The following TMC2 variants were observed in gnomAD, a reference collection of about 807,000 sequenced individuals.
The protein encoded by TMC2 is transmembrane channel like 2, also known as transmembrane channel-like protein 2.
In TMC2, 102 loss-of-function variants were observed where a neutral mutation model predicts 105.9. The observed-to-expected ratio is 0.96, with a 90% CI of 0.82 to 1.14. The LOEUF (loss-of-function observed/expected upper bound fraction) is 1.14, where lower values mean the gene tolerates loss of function less well. TMC2 is among the 50% of genes most tolerant of loss of function. The pLI is 0.00. For missense variants in TMC2, 1,093 were observed against 1,134.3 expected, an observed-to-expected ratio of 0.96 and a Z score of 0.52; for synonymous variants, 402 against 422.8, an observed-to-expected ratio of 0.95 and a Z score of 0.60.
chr20:2,608,300 T>TTTATTTA (rs369930519), intron 11 of TMC2, among the ~76,000 whole-genome samples: 79 of 134,598 alleles, frequency 5.9e-4, no homozygotes, highest in African/African-American at 2.0e-3. Context: ...CTTATTTTTA[T>TTTATTTA]TTATTATTAT....
At position 2,594,956 on chromosome 20, in the gene TMC2, T is replaced by C. The variant is rs1336226883; in HGVS notation, c.1065T>C (p.Ile355=). 3.1e-6 allele frequency: 5 copies of C among 1,613,798 alleles called. No individual in the cohort carries two copies. In the Admixed American group the frequency reaches 6.7e-5, roughly 22 times the overall value. The change falls in exon 9 of 20, where the codon ATT becomes ATC. Residue 355 remains isoleucine, a synonymous_variant. Transcript: ENST00000358864. ...GCGTGTTCGGCTACAGCCTGATTATTGTCATTCGATCGTAAGTATGACCGT... is the reference window on the plus strand; with the variant it reads ...GCGTGTTCGGCTACAGCCTGATTATCGTCATTCGATCGTAAGTATGACCGT... ...GVSVFGYSLI[I]VIRSMASNTQ...
chr20:2,593,262 T>A (rs1457339753), intron 8 of TMC2, among the ~76,000 whole-genome samples: 1 of 152,302 alleles, frequency 6.6e-6, no homozygotes, highest in East Asian at 1.9e-4. Context: ...ACTGTCCCCA[T>A]GATCCATTCA....
chr20:2,620,109 A>AGAAG lies in TMC2; in HGVS notation c.2180+2798_2180+2799insGAAG, dbSNP rs1475116260. Among the ~76,000 whole-genome samples the AGAAG allele has an allele frequency of 3.3e-5, 5 of 152,250 alleles. No homozygotes were observed. The East Asian group carries it at 5.8e-4, about 18-fold the overall frequency. On this transcript the variant is annotated intron_variant, in intron 16 of 19. Transcript: ENST00000358864. ...AGAAAAAAAGAAAAGAGAAGAGAAG[A>AGAAG]AAAAAACAGAACTTGGGTATTTAGC... is the stretch of plus-strand genomic sequence containing the variant.
chr20:2,613,011 A>G (rs1367488035), intron 13 of TMC2, among the ~76,000 whole-genome samples, 183 bp from the exon 14 acceptor site: 1 of 152,194 alleles, frequency 6.6e-6, no homozygotes, highest in Non-Finnish European at 1.5e-5. Context: ...TGGAGCTGGG[A>G]CCTAAATTAA....
chr20:2,549,510 A>AGGCG (rs1460527590), intron 2 of TMC2, among the ~76,000 whole-genome samples: 1 of 152,202 alleles, frequency 6.6e-6, no homozygotes, highest in Non-Finnish European at 1.5e-5. Flanking sequence ...TGGGAGGCCA[A>AGGCG]GGCGGGCGGA....
At chr20:2,598,445 C>A (rs184967355) in intron 10 of TMC2, among the ~76,000 whole-genome samples, 1 of 150,554 alleles carries the variant, frequency 6.6e-6, no homozygotes, top group Non-Finnish European at 1.5e-5. Flanking sequence ...GACAGAGTGT[C>A]GCTCTGTCAC....
intron 7 of TMC2, among the ~76,000 whole-genome samples, chr20:2,584,569 G>A (rs79440254): frequency 0.071 from 10,712 of 151,638 alleles, 1,242 homozygotes; most frequent in African/African-American, 0.24. Flanking sequence ...TATTACCTAC[G>A]TAACCCTCAC....
intron 16 of TMC2, among the ~76,000 whole-genome samples, chr20:2,619,250 C>T (rs1600135362): frequency 6.6e-6 from 1 of 152,098 alleles, no homozygotes; most frequent in Non-Finnish European, 1.5e-5. Context: ...GATCTCCACA[C>T]CTCAATCCCC....
rs183059137 is a variant in TMC2, at chr20:2,627,683, G to A, written c.2306+3287G>A. ...TTTAGTCTGCCTGTCACTCTCCCATGTCTTAAACTACAGTTTTGTAAATTT... is the reference window on the plus strand; with the variant it reads ...TTTAGTCTGCCTGTCACTCTCCCATATCTTAAACTACAGTTTTGTAAATTT... On this transcript the variant is annotated intron_variant, in intron 17 of 19. Coordinates refer to ENST00000358864, the MANE Select transcript of TMC2 (RefSeq NM_080751.3). Among the ~76,000 whole-genome samples, 616 of 152,232 alleles carry A rather than the reference G, an allele frequency of 4.0e-3. 2 individuals are homozygous for A. Among genetic ancestry groups the A allele is most frequent in the African/African-American group, 0.014 (588 of 41,522 alleles).
chr20:2,635,685 C>G (rs192922416), intron 17 of TMC2, among the ~76,000 whole-genome samples: 3 of 152,314 alleles, frequency 2.0e-5, no homozygotes, highest in Non-Finnish European at 4.4e-5. Flanking sequence ...ATTCCTCCAG[C>G]CAACCTTTAC....
chr20:2,630,458 T>C (rs1426091802), intron 17 of TMC2, among the ~76,000 whole-genome samples: 1 of 152,208 alleles, frequency 6.6e-6, no homozygotes, highest in African/African-American at 2.4e-5. Context: ...TATTTGTCTC[T>C]AACAATTTTT....
At chr20:2,641,045 A>T in intron 19 of TMC2, 89 bp from the exon 20 acceptor site, 3 of 1,134,928 alleles carry the variant, frequency 2.6e-6, no homozygotes, top group Non-Finnish European at 2.6e-6. Flanking sequence ...ACTAAAACCT[A>T]CACACACCGC....
chr20:2,564,190 G>A (rs1378988880), intron 4 of TMC2, among the ~76,000 whole-genome samples: 5 of 120,896 alleles, frequency 4.1e-5, no homozygotes, highest in South Asian at 2.5e-4. Context: ...TCGCTCTGTC[G>A]CCCAGGATGG....
intron 2 of TMC2, among the ~76,000 whole-genome samples, chr20:2,556,865 G>T: frequency 7.9e-6 from 1 of 127,166 alleles, no homozygotes; most frequent in African/African-American, 3.1e-5. Context: ...ACAGAATTCT[G>T]TCCTTTTTTT....
chr20:2,564,382 C>T (rs1216005997), intron 4 of TMC2, among the ~76,000 whole-genome samples: 1 of 151,994 alleles, frequency 6.6e-6, no homozygotes, highest in African/African-American at 2.4e-5. Context: ...AATCTCCTGA[C>T]CTCATGATCC....
chr20:2,573,736 G>A (rs867509457), intron 5 of TMC2, among the ~76,000 whole-genome samples: 2 of 120,024 alleles, frequency 1.7e-5, no homozygotes, highest in Non-Finnish European at 3.6e-5. Context: ...AATTTTTTGT[G>A]TTTTTAGTAG....
intron 16 of TMC2, 191 bp downstream of exon 16, chr20:2,617,502 G>C: frequency 4.3e-6 from 3 of 701,580 alleles, no homozygotes; most frequent in Non-Finnish European, 6.9e-6. Flanking sequence ...TGTCTGCGCT[G>C]TTCATTTCAG....
rs2086456070 is a variant in TMC2, at chr20:2,613,292, C to T, written c.1842C>T (p.Tyr614=). Residue 614 remains tyrosine, a synonymous_variant, in exon 14 of 20, where the codon TAC becomes TAT. Coordinates refer to ENST00000358864, the MANE Select transcript of TMC2 (RefSeq NM_080751.3). The stretch of plus-strand genomic sequence containing the variant: ...CTTGTTTTGTGCGGTTCATGAACTA[C>T]TGCTGGTGCTGGGACTTGGAGGCTG... ...LRACFVRFMN[Y]CWCWDLEAGF... is the part of the protein sequence containing the mutation. 2 of 1,614,032 alleles carry T rather than the reference C, an allele frequency of 1.2e-6. No individual in the cohort carries two copies. The highest frequency in any genetic ancestry group is 1.7e-6 in the Non-Finnish European group (2 of 1,180,030).
chr20:2,594,724 G>T, intron 8 of TMC2, 101 bp from the exon 9 acceptor site: 1 of 1,318,104 alleles, frequency 7.6e-7, no homozygotes, highest in South Asian at 1.4e-5. Context: ...CTTAGATTCG[G>T]TTAAGACTCT....
Sources: gnomAD v4.1 joint callset for allele counts (sites outside exome capture counted in the v4.1 genomes callset) on GRCh38, gnomAD v4.1.1 for gene constraint, MANE v1.5 for transcripts, NCBI Gene and HGNC (gene_info 2026-07-23, HGNC 2026-07-21) for gene names.